Variants in SLC22A15 observed in about 807,000 individuals in gnomAD.
SLC22A15 encodes the protein flipt 1.
Under a neutral mutation model 62.7 loss-of-function variants are expected in SLC22A15, and 45 were observed. The observed-to-expected ratio is 0.72, with a 90% CI of 0.56 to 0.92. SLC22A15 has a LOEUF of 0.92. SLC22A15 is among the 40% of genes least tolerant of loss of function. SLC22A15 has a pLI of 0.00. For synonymous variants in SLC22A15, 264 were observed against 267.0 expected (o/e 0.99, Z 0.11); for missense variants, 622 against 665.6 (o/e 0.93, Z 0.72).
intron 2 of SLC22A15, among the ~76,000 whole-genome samples, chr1:115,997,219 A>G (rs1483489368): frequency 1.3e-5 from 2 of 152,086 alleles, no homozygotes; most frequent in Admixed American, 6.5e-5. Flanking sequence ...AAGTCAAATA[A>G]TGTGATTGCT....
intron 2 of SLC22A15, among the ~76,000 whole-genome samples, chr1:115,993,825 A>T (rs1655278954): frequency 6.6e-6 from 1 of 151,676 alleles, no homozygotes; most frequent in South Asian, 2.1e-4. Flanking sequence ...TTCCAGCCCC[A>T]CTCTGCACTT....
At chr1:116,048,617 A>G (rs1490588013) in intron 8 of SLC22A15, among the ~76,000 whole-genome samples, 2 of 152,234 alleles carry the variant, frequency 1.3e-5, no homozygotes, top group South Asian at 2.1e-4. Flanking sequence ...GAAACACATC[A>G]AAACAGAAAC....
At chr1:115,990,694 A>G (rs1374154635) in intron 1 of SLC22A15, among the ~76,000 whole-genome samples, 2 of 152,184 alleles carry the variant, frequency 1.3e-5, no homozygotes, top group African/African-American at 4.8e-5. Flanking sequence ...GATGGACTCA[A>G]AGTAGATTGA....
At chr1:116,020,148 T>G (rs1028673989) in intron 3 of SLC22A15, among the ~76,000 whole-genome samples, 1 of 152,112 alleles carries the variant, frequency 6.6e-6, no homozygotes, top group African/African-American at 2.4e-5. Flanking sequence ...TTTTCCAGCA[T>G]TATTGTGAAT....
chr1:116,054,078 C>T (rs1658133450), intron 8 of SLC22A15, among the ~76,000 whole-genome samples: 1 of 151,808 alleles, frequency 6.6e-6, no homozygotes, highest in Non-Finnish European at 1.5e-5. Flanking sequence ...TGTAAATGGA[C>T]TAAATGCTCC....
chr1:116,066,941 T>A, intron 11 of SLC22A15, 78 bp from the exon 12 acceptor site: 2 of 1,170,604 alleles, frequency 1.7e-6, no homozygotes, highest in Non-Finnish European at 2.5e-6. Flanking sequence ...ATTTGTCAGT[T>A]GAATAGCTAG....
chr1:116,006,238 TAAAG>T (rs1173811791), intron 2 of SLC22A15, among the ~76,000 whole-genome samples: 1 of 152,162 alleles, frequency 6.6e-6, no homozygotes, highest in Non-Finnish European at 1.5e-5. Context: ...AGGCTTGCTA[TAAAG>T]AGAGAGCTCT....
intron 8 of SLC22A15, among the ~76,000 whole-genome samples, chr1:116,061,850 A>G (rs1434034867): frequency 2.0e-5 from 3 of 152,196 alleles, no homozygotes; most frequent in East Asian, 1.9e-4. Context: ...AAATATTACT[A>G]TTGATTAGTA....
In SLC22A15 at chr1:116,025,414, T is replaced by G. The variant is rs556740906; in HGVS notation, c.599-1479T>G. Among the ~76,000 whole-genome samples, 84 of 152,344 alleles carry G rather than the reference T, an allele frequency of 5.5e-4. 1 individual carries two copies. The highest frequency in any genetic ancestry group is 2.9e-3 in the South Asian group (14 of 4,824). Reference sequence around the variant, plus strand: ...TCCCACTACTCATTGGACCACATATTCTGAACATGCTGTCACATCAGCTTT... The same window carrying G: ...TCCCACTACTCATTGGACCACATATGCTGAACATGCTGTCACATCAGCTTT... On this transcript the variant is annotated intron_variant, in intron 4 of 11. Transcript: ENST00000369503.
At chr1:116,041,764 C>A (rs1410663885) in intron 8 of SLC22A15, among the ~76,000 whole-genome samples, 1 of 152,138 alleles carries the variant, frequency 6.6e-6, no homozygotes, top group Non-Finnish European at 1.5e-5. Context: ...ACCTCCTAGT[C>A]TTTGATTTGA....
chr1:116,045,577 A>G (rs758041317), intron 8 of SLC22A15, among the ~76,000 whole-genome samples: 15 of 151,294 alleles, frequency 9.9e-5, no homozygotes, highest in Non-Finnish European at 1.6e-4. Flanking sequence ...CGTCTCTACT[A>G]AAAATACAAA....
intron 4 of SLC22A15, 125 bp from the exon 5 acceptor site, chr1:116,026,768 C>A: frequency 2.9e-6 from 3 of 1,033,906 alleles, no homozygotes; most frequent in Non-Finnish European, 1.4e-6. Context: ...TTCTGGTGTG[C>A]CTCTTATAGT....
At chr1:115,997,659 C>A (rs994517828) in intron 2 of SLC22A15, among the ~76,000 whole-genome samples, 1 of 151,980 alleles carries the variant, frequency 6.6e-6, no homozygotes, top group African/African-American at 2.4e-5. Context: ...TTGTATCCTG[C>A]AAGTTTACTG....
Position 116,047,422 on chromosome 1 carries a change from G to A in SLC22A15, c.1171+10034G>A, listed in dbSNP as rs150070792. On this transcript the variant is annotated intron_variant, in intron 8 of 11. Transcript: ENST00000369503. ...AGCCTGGGCGACAGAGCGAGACTCCGTCTCAAAAAACAAACAAAAATCCCC... is the reference window on the plus strand; with the variant it reads ...AGCCTGGGCGACAGAGCGAGACTCCATCTCAAAAAACAAACAAAAATCCCC... Among the ~76,000 whole-genome samples the A allele has an allele frequency of 7.4e-3, 1,133 of 152,180 alleles. 11 individuals are homozygous for A. The highest frequency in any genetic ancestry group is 0.025 in the African/African-American group (1,029 of 41,532).
chr1:116,033,087 C>T (rs1657483855), intron 6 of SLC22A15, among the ~76,000 whole-genome samples: 2 of 152,146 alleles, frequency 1.3e-5, no homozygotes, highest in South Asian at 2.1e-4. Context: ...ATAATAGAGA[C>T]AGTCACTCCA....
intron 3 of SLC22A15, 40 bp from the exon 4 acceptor site, chr1:116,020,680 AT>A: frequency 3.3e-6 from 5 of 1,497,042 alleles, no homozygotes; most frequent in Non-Finnish European, 4.5e-6. Flanking sequence ...ATCAAATGCT[AT>A]TTTGCCTCTG....
chr1:116,033,273 C>T (rs757386389), intron 6 of SLC22A15, among the ~76,000 whole-genome samples: 1 of 152,132 alleles, frequency 6.6e-6, no homozygotes, highest in Non-Finnish European at 1.5e-5. Context: ...TCTAAATATA[C>T]TGTTAAATAT....
intron 8 of SLC22A15, among the ~76,000 whole-genome samples, chr1:116,057,815 C>G (rs1389763118): frequency 1.3e-5 from 2 of 151,898 alleles, no homozygotes; most frequent in Admixed American, 1.3e-4. Flanking sequence ...GGACAAAAAA[C>G]CAAACACCAC....
At chr1:116,018,175 C>A (rs1425583209) in intron 2 of SLC22A15, among the ~76,000 whole-genome samples, 1 of 151,940 alleles carries the variant, frequency 6.6e-6, no homozygotes, top group South Asian at 2.1e-4. Flanking sequence ...CCTGTTCCCC[C>A]CTCCTTCTGG....
Sources: gnomAD v4.1 joint callset for allele counts (sites outside exome capture counted in the v4.1 genomes callset) on GRCh38, gnomAD v4.1.1 for gene constraint, MANE v1.5 for transcripts, NCBI Gene and HGNC (gene_info 2026-07-23, HGNC 2026-07-21) for gene names.